Variants in FRMD4B observed in about 807,000 individuals in gnomAD.
FRMD4B encodes the protein FERM domain containing 4B, also known as FERM domain-containing protein 4B.
In FRMD4B, 74 loss-of-function variants were observed where a neutral mutation model predicts 141.5. That is an observed-to-expected ratio of 0.52 (90% CI 0.43 to 0.63). The LOEUF (loss-of-function observed/expected upper bound fraction) is 0.63, where lower values mean the gene tolerates loss of function less well. Ranked by LOEUF, FRMD4B falls within the 30% of genes least tolerant of loss-of-function variation. The pLI is 0.00. For missense variants in FRMD4B, 1,366 were observed against 1,253.4 expected (o/e 1.09, Z -1.36); for synonymous variants, 506 against 467.9 (o/e 1.08, Z -1.05).
chr3:69,195,716 C>T (rs79335940), intron 14 of FRMD4B, among the ~76,000 whole-genome samples: 2 of 626 alleles, frequency 3.2e-3, no homozygotes, highest in Non-Finnish European at 0.029. Flanking sequence ...AAAAAGTAAG[C>T]AAGCAAGCAA....
At chr3:69,231,176 A>G (rs923033468) in intron 7 of FRMD4B, among the ~76,000 whole-genome samples, 2 of 152,270 alleles carry the variant, frequency 1.3e-5, no homozygotes, top group East Asian at 1.9e-4. Flanking sequence ...CAGAATGCCC[A>G]TGAGGAAAGA....
At chr3:69,229,897 G>T (rs982580643) in intron 7 of FRMD4B, among the ~76,000 whole-genome samples, 6 of 151,950 alleles carry the variant, frequency 3.9e-5, no homozygotes, top group Non-Finnish European at 5.9e-5. Flanking sequence ...GTAGAGACAG[G>T]GTTTCACCAT....
At chr3:69,493,018 G>T (rs1181564671) in intron 1 of FRMD4B, among the ~76,000 whole-genome samples, 1 of 152,200 alleles carries the variant, frequency 6.6e-6, no homozygotes, top group East Asian at 1.9e-4. Context: ...GAGACTGGAT[G>T]AAGTCATTAT....
intron 1 of FRMD4B, among the ~76,000 whole-genome samples, chr3:69,460,223 C>T (rs979201102): frequency 1.3e-5 from 2 of 152,148 alleles, no homozygotes; most frequent in East Asian, 1.9e-4. Context: ...GTGAAAGTTA[C>T]GATGCCAGAT....
At chr3:69,275,852 T>C (rs1256350561) in intron 5 of FRMD4B, among the ~76,000 whole-genome samples, 3 of 152,180 alleles carry the variant, frequency 2.0e-5, no homozygotes, top group Admixed American at 2.0e-4. Context: ...AAAGTATAAC[T>C]TAGAAAGCAA....
intron 19 of FRMD4B, among the ~76,000 whole-genome samples, chr3:69,184,968 C>T (rs769256248): frequency 3.9e-5 from 6 of 152,190 alleles, no homozygotes; most frequent in South Asian, 2.1e-4. Flanking sequence ...AAACTGGGGC[C>T]GATATGTGAT....
chr3:69,326,215 C>G (rs1702187309), intron 1 of FRMD4B, among the ~76,000 whole-genome samples: 1 of 151,956 alleles, frequency 6.6e-6, no homozygotes, highest in South Asian at 2.1e-4. Context: ...CCTCGGCCTC[C>G]CATAGTGCTG....
chr3:69,202,339 A>AT (rs1252545699), intron 11 of FRMD4B, among the ~76,000 whole-genome samples: 1 of 152,186 alleles, frequency 6.6e-6, no homozygotes, highest in Non-Finnish European at 1.5e-5. Context: ...TGGTGTCCAC[A>AT]TAGGGTAGGA....
intron 2 of FRMD4B, among the ~76,000 whole-genome samples, chr3:69,396,179 C>A (rs1459955120): frequency 6.6e-6 from 1 of 152,130 alleles, no homozygotes; most frequent in African/African-American, 2.4e-5. Context: ...CCAACTCTGG[C>A]AGCAAGATAT....
intron 1 of FRMD4B, among the ~76,000 whole-genome samples, chr3:69,478,589 T>C (rs1009618709): frequency 6.6e-5 from 10 of 152,334 alleles, no homozygotes; most frequent in Admixed American, 5.2e-4. Context: ...ATAATTTCTG[T>C]TCTTTCACAT....
chr3:69,290,631 A>C (rs527717411), intron 4 of FRMD4B, among the ~76,000 whole-genome samples: 10 of 152,290 alleles, frequency 6.6e-5, no homozygotes, highest in African/African-American at 1.9e-4. Flanking sequence ...CAGCCTAATT[A>C]AGGGCGGCAG....
intron 1 of FRMD4B, among the ~76,000 whole-genome samples, chr3:69,541,590 C>G (rs1227856793): frequency 6.6e-6 from 1 of 152,196 alleles, no homozygotes; most frequent in Non-Finnish European, 1.5e-5. Context: ...AACGAAATGG[C>G]ATTTCTCAAA....
At chr3:69,220,254 C>T (rs1308255969) in intron 9 of FRMD4B, among the ~76,000 whole-genome samples, 1 of 152,152 alleles carries the variant, frequency 6.6e-6, no homozygotes, top group Non-Finnish European at 1.5e-5. Flanking sequence ...CAGCATGTTA[C>T]TGGGCTGAAA....
intron 1 of FRMD4B, among the ~76,000 whole-genome samples, chr3:69,507,547 A>G (rs1379068310): frequency 6.6e-6 from 1 of 152,200 alleles, no homozygotes; most frequent in Non-Finnish European, 1.5e-5. Context: ...TAGATGTGTT[A>G]AATATGTTTA....
intron 1 of FRMD4B, among the ~76,000 whole-genome samples, chr3:69,361,082 G>C (rs1384821559): frequency 1.3e-5 from 2 of 152,032 alleles, no homozygotes; most frequent in Non-Finnish European, 2.9e-5. Flanking sequence ...TTCAAGGGTG[G>C]TCAAAGTGCA....
rs536289202 is a variant in FRMD4B at position 69,488,970 on chromosome 3, C to T, written c.-129+53236G>A. On this transcript the variant is annotated intron_variant, in intron 1 of 5. Transcript: ENST00000459638. ...AGACAGTAGTAAATATTTGTGACCT[C>T]GGGTTAGGCAACAATTCCTTAGATG... Among the ~76,000 whole-genome samples, 11 of 150,482 alleles carry T rather than the reference C, an allele frequency of 7.3e-5. No individual in the cohort carries two copies. The East Asian group carries it at 9.8e-4, about 13-fold the overall frequency.
At chr3:69,280,914 T>G (rs1004956559) in intron 5 of FRMD4B, among the ~76,000 whole-genome samples, 1 of 151,688 alleles carries the variant, frequency 6.6e-6, no homozygotes, top group Non-Finnish European at 1.5e-5. Context: ...ACATCACACC[T>G]GGCTGAAATT....
intron 11 of FRMD4B, among the ~76,000 whole-genome samples, chr3:69,215,275 T>G (rs531081541): frequency 1.4e-3 from 211 of 148,566 alleles, no homozygotes; most frequent in African/African-American, 5.1e-3. Flanking sequence ...TCTGATAGAT[T>G]GTGACCCTCT....
chr3:69,286,003 AT>A lies in FRMD4B; in HGVS notation c.501+1748del, dbSNP rs1439983883. Among the ~76,000 whole-genome samples, 25 of 152,350 alleles carry A rather than the reference AT, an allele frequency of 1.6e-4. 1 individual carries two copies. The highest frequency in any genetic ancestry group is 3.4e-3 in the Middle Eastern group (1 of 294). ...GCAAGCAAGAAGATAGTGAATCAGT[AT>A]TTCTAAAGTACGGAGAGAGAAAAAC... On this transcript the variant is annotated intron_variant, in intron 5 of 22. Transcript: ENST00000398540.
Sources: gnomAD v4.1 joint callset for allele counts (sites outside exome capture counted in the v4.1 genomes callset) on GRCh38, gnomAD v4.1.1 for gene constraint, MANE v1.5 for transcripts, NCBI Gene and HGNC (gene_info 2026-07-23, HGNC 2026-07-21) for gene names.